Variants in RTL4 observed in about 807,000 individuals in gnomAD.
RTL4 encodes retrotransposon Gag like 4, also known as retrotransposon Gag-like protein 4.
RTL4 carries 4 observed loss-of-function variants against 5.3 expected under a neutral mutation model. The ratio of observed to expected loss-of-function variants is 0.75; its 90% CI spans 0.37 to 1.72. The LOEUF (loss-of-function observed/expected upper bound fraction) is 1.72, where lower values mean the gene tolerates loss of function less well. RTL4 is among the 40% of genes most tolerant of loss of function. The pLI, the probability that RTL4 is intolerant of heterozygous loss-of-function variation, is 0.04. For synonymous variants in RTL4, 98 were observed against 87.3 expected, an observed-to-expected ratio of 1.12 and a Z score of -0.68; for missense variants, 260 against 227.1, an observed-to-expected ratio of 1.14 and a Z score of -0.93.
chrX:112,124,079 T>C, the RTL4 span, among the ~76,000 whole-genome samples: 55 of 111,968 alleles, frequency 4.9e-4, no homozygotes, highest in African/African-American at 1.2e-3. Flanking sequence ...CTCAAAATCA[T>C]TGACCATTAG....
At chrX:112,210,309 G>A in the RTL4 span, among the ~76,000 whole-genome samples, 5 of 112,093 alleles carry the variant, frequency 4.5e-5, no homozygotes, top group African/African-American at 1.6e-4. Flanking sequence ...CAAAGTCTGT[G>A]ATTATGGGGC....
At chrX:112,267,199 C>T in the RTL4 span, among the ~76,000 whole-genome samples, 1 of 111,987 alleles carries the variant, frequency 8.9e-6, no homozygotes, top group Non-Finnish European at 1.9e-5. Flanking sequence ...TCTCTACTTA[C>T]TGTCCCCAAT....
the RTL4 span, among the ~76,000 whole-genome samples, chrX:112,165,442 G>A: frequency 1.8e-5 from 2 of 111,126 alleles, no homozygotes; most frequent in Admixed American, 9.6e-5. Context: ...CCACCCTCCT[G>A]TTCTAGGCAC....
chrX:112,370,314 C>T, the RTL4 span, among the ~76,000 whole-genome samples: 1 of 111,034 alleles, frequency 9.0e-6, no homozygotes, highest in African/African-American at 3.3e-5. Context: ...TGAAAGAGGA[C>T]TGGGAGTTTA....
the RTL4 span, among the ~76,000 whole-genome samples, chrX:112,099,397 T>C: frequency 9.0e-6 from 1 of 111,430 alleles, no homozygotes; most frequent in African/African-American, 3.3e-5. Flanking sequence ...TCAGTCAGGG[T>C]AGGCTTCATG....
the RTL4 span, among the ~76,000 whole-genome samples, chrX:112,422,556 G>A: frequency 9.0e-6 from 1 of 110,804 alleles, no homozygotes; most frequent in Admixed American, 9.7e-5. Context: ...GGTCGTCTCT[G>A]ACCCACCACC....
At chrX:112,445,107 A>C in the RTL4 span, among the ~76,000 whole-genome samples, 1 of 111,560 alleles carries the variant, frequency 9.0e-6, no homozygotes, top group African/African-American at 3.3e-5. Context: ...GAAGGGCTTT[A>C]CAAAGGGGTC....
chrX:112,191,813 C>T, the RTL4 span, among the ~76,000 whole-genome samples: 3 of 111,586 alleles, frequency 2.7e-5, no homozygotes, highest in East Asian at 2.8e-4. Flanking sequence ...CAAACTTTAT[C>T]GAATCTGTAG....
At chrX:112,172,658 T>C in the RTL4 span, among the ~76,000 whole-genome samples, 8 of 111,049 alleles carry the variant, frequency 7.2e-5, no homozygotes, top group Admixed American at 2.9e-4. Context: ...CATTCCTGGG[T>C]ATAGACCCCA....
At chrX:112,161,832 C>CTTTCTTT in the RTL4 span, among the ~76,000 whole-genome samples, 247 of 26,468 alleles carry the variant, frequency 9.3e-3, 3 homozygotes, top group South Asian at 0.019. Context: ...TTCCTTCCTT[C>CTTTCTTT]CTTCCTTCCT....
At chrX:112,321,528 C>A in the RTL4 span, among the ~76,000 whole-genome samples, 1 of 94,210 alleles carries the variant, frequency 1.1e-5, no homozygotes, top group East Asian at 3.2e-4. Flanking sequence ...GAGCGAGACT[C>A]CGTCTCAAAA....
At chrX:112,157,491 T>C in the RTL4 span, among the ~76,000 whole-genome samples, 1 of 111,245 alleles carries the variant, frequency 9.0e-6, no homozygotes, top group Admixed American at 9.6e-5. Flanking sequence ...CACCCTAAAC[T>C]CTCAGCTCGT....
chrX:112,250,644 C>T, the RTL4 span, among the ~76,000 whole-genome samples: 1 of 112,125 alleles, frequency 8.9e-6, no homozygotes, highest in Non-Finnish European at 1.9e-5. Context: ...CCTCTGTATG[C>T]AGATCTCTTG....
chrX:112,111,646 G>T, the RTL4 span, among the ~76,000 whole-genome samples: 1 of 112,475 alleles, frequency 8.9e-6, no homozygotes, highest in Admixed American at 9.4e-5. Flanking sequence ...TAAGGCTTGG[G>T]TAAGTGCCAC....
chrX:112,095,774 G>T, the RTL4 span, among the ~76,000 whole-genome samples: 209 of 111,499 alleles, frequency 1.9e-3, 1 homozygote, highest in Admixed American at 2.4e-3. Context: ...GTAAGAGTGG[G>T]TGGCTGAGGT....
At chrX:112,453,250 A>G (rs1387209502), upstream of RTL4, among the ~76,000 whole-genome samples, 1 of 111,414 alleles carries the variant, frequency 9.0e-6, no homozygotes, top group African/African-American at 3.3e-5. Context: ...AAAAGATTCA[A>G]TGATACATCA....
At chrX:112,270,409 G>A in the RTL4 span, among the ~76,000 whole-genome samples, 2 of 111,872 alleles carry the variant, frequency 1.8e-5, no homozygotes, top group African/African-American at 3.3e-5. Context: ...TTAACATAAT[G>A]AGGAGCAGGA....
chrX:112,280,266 G>T, the RTL4 span, among the ~76,000 whole-genome samples: 1 of 111,169 alleles, frequency 9.0e-6, no homozygotes, highest in Non-Finnish European at 1.9e-5. Context: ...TAAACATTGG[G>T]TACTCATGGA....
At chrX:112,353,609 C>T in the RTL4 span, among the ~76,000 whole-genome samples, 1 of 110,440 alleles carries the variant, frequency 9.1e-6, no homozygotes, top group Non-Finnish European at 1.9e-5. Flanking sequence ...CGCATGTTCT[C>T]ACTCATAGGT....
Sources: allele counts gnomAD v4.1 joint callset (sites outside exome capture counted in the v4.1 genomes callset), GRCh38; gene constraint gnomAD v4.1.1; transcripts MANE v1.5; gene names NCBI Gene and HGNC (gene_info 2026-07-23, HGNC 2026-07-21).